The following HUWE1 variants were observed in gnomAD, a reference collection of about 807,000 sequenced individuals.
HUWE1 encodes HECT, UBA and WWE domain containing E3 ubiquitin protein ligase 1.
Under a neutral mutation model 299.4 loss-of-function variants are expected in HUWE1, and 18 were observed. The observed-to-expected ratio is 0.06, with a 90% confidence interval of 0.04 to 0.09. The LOEUF (loss-of-function observed/expected upper bound fraction) is 0.09, where lower values mean the gene tolerates loss of function less well. Among genes scored for constraint, HUWE1 ranks in the 10% least tolerant of loss-of-function variants. The pLI, the probability that HUWE1 is intolerant of heterozygous loss-of-function variation, is 1.00. For synonymous variants in HUWE1, 1,317 were observed against 1,286.1 expected (o/e 1.02, Z -0.51); for missense variants, 1,832 against 3,462.3 (o/e 0.53, Z 11.82).
At position 53,630,831 on chromosome X, in the gene HUWE1, G is replaced by A. The variant is rs782460034; in HGVS notation, c.862+104C>T. ...GTGGAAGTATTTAAGTTGCTACCTA[G>A]GTAACTATAATAGGACTCATAGCAA... On this transcript the variant is annotated intron_variant, in intron 12 of 83. Transcript: ENST00000262854. 1.5e-5 allele frequency: 8 copies of A among 529,492 alleles called. No individual in the cohort carries two copies. In the South Asian group the frequency reaches 2.0e-4, roughly 13 times the overall value. The allele number at this position is 529,492 out of a possible 1,213,427, so 43.6% of individuals were successfully genotyped here.
chrX:53,569,567 A>G, intron 48 of HUWE1, 49 bp downstream of exon 48: 1 of 1,125,383 alleles, frequency 8.9e-7, no homozygotes, highest in Non-Finnish European at 1.2e-6. Flanking sequence ...AAGAAGAAGA[A>G]TAAGGGGATG....
intron 1 of HUWE1, 42 bp from the exon 2 acceptor site, chrX:53,686,410 G>A: frequency 8.8e-6 from 1 of 114,192 alleles, no homozygotes; most frequent in Non-Finnish European, 1.9e-5. Flanking sequence ...GAGGGTTGGG[G>A]CAGGCCGCCC....
chrX:53,610,075 G>A (rs2065363790), intron 23 of HUWE1, among the ~76,000 whole-genome samples: 1 of 111,452 alleles, frequency 9.0e-6, no homozygotes, highest in Admixed American at 9.5e-5. Context: ...GATTCCATGA[G>A]AAGACCACAA....
At chrX:53,629,397 C>T in intron 13 of HUWE1, 119 bp downstream of exon 13, 1 of 527,177 alleles carries the variant, frequency 1.9e-6, no homozygotes, top group Non-Finnish European at 3.4e-6. Context: ...GTCCCATGCC[C>T]AAGATGTCTC....
chrX:53,627,859 A>G lies in HUWE1; in HGVS notation c.1263T>C (p.Asp421=), dbSNP rs1557019332. 8 of 1,208,431 alleles carry G rather than the reference A, an allele frequency of 6.6e-6. No individual in the cohort carries two copies. The highest frequency in any genetic ancestry group is 2.2e-5 in the Admixed American group (1 of 45,715). ...ALLKVIKFLG[D]EQDQITFVTR... ...TGACAAATGTTATCTGGTCCTGTTCATCGCCAAGAAACTTTATGACCTATC... is the reference window on the plus strand; with the variant it reads ...TGACAAATGTTATCTGGTCCTGTTCGTCGCCAAGAAACTTTATGACCTATC... The change falls in exon 16 of 84, where the codon GAT becomes GAC. Residue 421 remains aspartate, a synonymous_variant. Coordinates refer to ENST00000262854, the MANE Select transcript of HUWE1 (RefSeq NM_031407.7).
At chrX:53,601,916 G>A (rs1403453593) in intron 28 of HUWE1, among the ~76,000 whole-genome samples, 2 of 110,210 alleles carry the variant, frequency 1.8e-5, no homozygotes, top group African/African-American at 6.6e-5. Flanking sequence ...TGATCCACCC[G>A]CCTCAGCCTC....
intron 19 of HUWE1, among the ~76,000 whole-genome samples, chrX:53,623,762 G>C (rs782590568): frequency 8.9e-6 from 1 of 112,216 alleles, no homozygotes; most frequent in Non-Finnish European, 1.9e-5. Context: ...AACTGTGCAA[G>C]ATTAAAAGAT....
intron 74 of HUWE1, among the ~76,000 whole-genome samples, chrX:53,540,812 T>G (rs1389106045): frequency 9.0e-6 from 1 of 111,383 alleles, no homozygotes; most frequent in Admixed American, 9.5e-5. Context: ...AGTAAGTGAC[T>G]GTTTTCTCAT....
chrX:53,582,691 T>C (rs2063680227), intron 42 of HUWE1, among the ~76,000 whole-genome samples: 1 of 112,142 alleles, frequency 8.9e-6, no homozygotes, highest in Admixed American at 9.4e-5. Context: ...AGAAAGGATT[T>C]TGTATTAAGT....
chrX:53,534,418 C>G (rs904204338), intron 82 of HUWE1, 98 bp downstream of exon 82: 3 of 822,824 alleles, frequency 3.6e-6, no homozygotes, highest in Non-Finnish European at 5.3e-6. Context: ...CTACATGCAA[C>G]TTCCTCTAAG....
chrX:53,631,097 G>A, intron 11 of HUWE1, 63 bp from the exon 12 acceptor site: 3 of 706,000 alleles, frequency 4.2e-6, no homozygotes, highest in African/African-American at 2.1e-5. Flanking sequence ...TTCTTTATGA[G>A]GGCTAACTCA....
intron 30 of HUWE1, 127 bp downstream of exon 30, chrX:53,595,060 T>C: frequency 1.8e-6 from 1 of 549,132 alleles, no homozygotes; most frequent in Non-Finnish European, 3.0e-6. Context: ...CTTCATTTTC[T>C]AGAGTAAACA....
chrX:53,587,988 A>G (rs2063946522), intron 37 of HUWE1, among the ~76,000 whole-genome samples: 2 of 111,584 alleles, frequency 1.8e-5, no homozygotes, highest in South Asian at 7.6e-4. Flanking sequence ...TGCATACCCT[A>G]CTCTACTATG....
chrX:53,663,439 G>A (rs2069106784), intron 3 of HUWE1, among the ~76,000 whole-genome samples: 1 of 110,990 alleles, frequency 9.0e-6, no homozygotes, highest in African/African-American at 3.3e-5. Flanking sequence ...CTTAAACCCG[G>A]GAGGCGGAGG....
intron 5 of HUWE1, 70 bp from the exon 6 acceptor site, chrX:53,647,644 C>CT: frequency 1.3e-6 from 1 of 795,010 alleles, no homozygotes; most frequent in African/African-American, 2.0e-5. Flanking sequence ...TCTAACTGAG[C>CT]TTTGTTACAA....
intron 4 of HUWE1, among the ~76,000 whole-genome samples, chrX:53,650,665 T>C (rs2068398819): frequency 8.9e-6 from 1 of 112,061 alleles, no homozygotes; most frequent in Non-Finnish European, 1.9e-5. Context: ...ATACCAAATC[T>C]GGGGAAAAAA....
chrX:53,604,517 C>A, intron 26 of HUWE1, 72 bp downstream of exon 26: 1 of 1,110,294 alleles, frequency 9.0e-7, no homozygotes, highest in Non-Finnish European at 1.2e-6. Flanking sequence ...AGCATAGTAA[C>A]CCTGCTAGGT....
chrX:53,540,491 G>C (rs1296082726), intron 74 of HUWE1, among the ~76,000 whole-genome samples: 2 of 111,619 alleles, frequency 1.8e-5, no homozygotes, highest in Non-Finnish European at 3.8e-5. Context: ...ACCATGCCCG[G>C]CTGATTTTTG....
intron 80 of HUWE1, 119 bp downstream of exon 80, chrX:53,536,025 TAAG>T (rs1244839686): frequency 2.0e-6 from 1 of 508,898 alleles, no homozygotes; most frequent in African/African-American, 2.4e-5. Context: ...GCTACAGCTT[TAAG>T]AAGTCAAGAT....
Sources: gnomAD v4.1 joint callset for allele counts (sites outside exome capture counted in the v4.1 genomes callset) on GRCh38, gnomAD v4.1.1 for gene constraint, MANE v1.5 for transcripts, NCBI Gene and HGNC (gene_info 2026-07-23, HGNC 2026-07-21) for gene names.